The following ABHD12 variants were observed in gnomAD, a reference collection of about 807,000 sequenced individuals.
The protein encoded by ABHD12 is abhydrolase domain containing 12, lysophospholipase.
ABHD12 carries 43 observed loss-of-function variants against 58.3 expected under a neutral mutation model. The ratio of observed to expected loss-of-function variants is 0.74; its 90% CI spans 0.58 to 0.95. The LOEUF (loss-of-function observed/expected upper bound fraction) is 0.95, where lower values mean the gene tolerates loss of function less well. ABHD12 is among the 40% of genes least tolerant of loss of function. ABHD12 has a pLI of 0.00. For synonymous variants in ABHD12, 219 were observed against 211.2 expected (o/e 1.04, Z -0.32); for missense variants, 539 against 537.2 (o/e 1.00, Z -0.03).
At chr20:25,349,115 A>G (rs2089563578) in intron 1 of ABHD12, among the ~76,000 whole-genome samples, 1 of 149,124 alleles carries the variant, frequency 6.7e-6, no homozygotes, top group Non-Finnish European at 1.5e-5. Context: ...AAAGAAACAG[A>G]TATTGTATCA....
intron 1 of ABHD12, chr20:25,368,668 T>C (rs2089857774): frequency 2.2e-6 from 3 of 1,365,036 alleles, no homozygotes; most frequent in Non-Finnish European, 3.1e-6. Flanking sequence ...ATGAAAGTTT[T>C]CTGCTGTCTT....
Position 25,383,097 on chromosome 20 carries a change from A to C in ABHD12, c.191+7416T>G, listed in dbSNP as rs551521684. On this transcript the variant is annotated intron_variant, in intron 1 of 12. Transcript: ENST00000339157. ...GCTCAGAACTCGCTCCCATCTTCCT[A>C]ATCTGTAAAGAAAAGATGAAGAGAT... Among the ~76,000 whole-genome samples the C allele has an allele frequency of 6.6e-5, 10 of 152,266 alleles. No homozygotes were observed. The South Asian group carries it at 1.9e-3, about 28-fold the overall frequency.
downstream of ABHD12, among the ~76,000 whole-genome samples, chr20:25,299,358 C>CCA (rs2088598039): frequency 6.6e-6 from 1 of 152,012 alleles, no homozygotes; most frequent in African/African-American, 2.4e-5. Flanking sequence ...TATGATTGTG[C>CCA]CACTGCACTC....
chr20:25,315,667 C>A (rs557668386), intron 5 of ABHD12, among the ~76,000 whole-genome samples: 1 of 152,286 alleles, frequency 6.6e-6, no homozygotes, highest in East Asian at 1.9e-4. Context: ...TAACCAGAGC[C>A]AACCTGCTCC....
At chr20:25,353,264 G>GT (rs897264155) in intron 1 of ABHD12, among the ~76,000 whole-genome samples, 171 of 136,608 alleles carry the variant, frequency 1.3e-3, no homozygotes, top group East Asian at 3.4e-3. Flanking sequence ...GTTTGTTTCT[G>GT]TTTTTTTTTT....
rs1230604929 is a variant in ABHD12 at position 25,301,962 on chromosome 20, T to C, written c.1157+257A>G. 7.2e-5 allele frequency among the ~76,000 whole-genome samples: 11 copies of C among 152,320 alleles called. 1 individual carries two copies. In the South Asian group the frequency reaches 2.3e-3, roughly 32 times the overall value. On this transcript the variant is annotated intron_variant, in intron 12 of 12. Coordinates refer to ENST00000339157, the MANE Select transcript of ABHD12 (RefSeq NM_001042472.3). ...AAACATGGCCACCTGTGAGCGTGTG[T>C]GCCCCCCCGTGTGGGTCTGTACATC...
intron 1 of ABHD12, among the ~76,000 whole-genome samples, chr20:25,361,287 T>C (rs1600852726): frequency 6.6e-6 from 1 of 152,240 alleles, no homozygotes; most frequent in African/African-American, 2.4e-5. Context: ...AAAGGAACAG[T>C]ATCTTTTCAA....
At chr20:25,316,071 G>A (rs2145958096) in intron 5 of ABHD12, among the ~76,000 whole-genome samples, 1 of 152,216 alleles carries the variant, frequency 6.6e-6, no homozygotes, top group Non-Finnish European at 1.5e-5. Flanking sequence ...GTGCCTGGAA[G>A]CTGATTCAAG....
Position 25,300,419 on chromosome 20 carries a change from G to T in ABHD12, c.*426C>A. 1 of 1,155,176 alleles carries T rather than the reference G, an allele frequency of 8.7e-7. No individual in the cohort carries two copies. The highest frequency in any genetic ancestry group is 2.0e-5 in the South Asian group (1 of 50,366). 71.6% of individuals were successfully genotyped at this position (1,155,176 alleles called of 1,614,324 possible). On this transcript the variant is annotated 3_prime_UTR_variant, in exon 13 of 13. Transcript: ENST00000339157. ...TGGAACCACTGGAGTCATTCTGCAT[G>T]TGCTGGGAAGGTGCAGAAAGAACCT...
chr20:25,295,810 C>A, downstream of ABHD12: 1 of 946,570 alleles, frequency 1.1e-6, no homozygotes, highest in Non-Finnish European at 1.7e-6. Context: ...TGTCATCAGT[C>A]GGCTGTGCCT....
At chr20:25,299,157 CTT>C, downstream of ABHD12, among the ~76,000 whole-genome samples, 1 of 152,236 alleles carries the variant, frequency 6.6e-6, no homozygotes, top group Non-Finnish European at 1.5e-5. Flanking sequence ...AATCCCAGCA[CTT>C]TGAGAGGCCA....
At chr20:25,348,613 C>G (rs1387293558) in intron 1 of ABHD12, among the ~76,000 whole-genome samples, 3 of 151,958 alleles carry the variant, frequency 2.0e-5, no homozygotes, top group Non-Finnish European at 4.4e-5. Context: ...GTCTGGGCAA[C>G]AAAGCAAGGC....
chr20:25,328,197 A>C (rs183186403), intron 2 of ABHD12, among the ~76,000 whole-genome samples: 2 of 152,128 alleles, frequency 1.3e-5, no homozygotes, highest in Non-Finnish European at 2.9e-5. Flanking sequence ...GAATGCCTGG[A>C]AAGTGGGTCC....
At chr20:25,298,507 AGCCTCCGAAAGT>A (rs2088586019), downstream of ABHD12, among the ~76,000 whole-genome samples, 1 of 152,180 alleles carries the variant, frequency 6.6e-6, no homozygotes, top group Non-Finnish European at 1.5e-5. Flanking sequence ...CGCCCGCCTC[AGCCTCCGAAAGT>A]GCTGAGATTA....
intron 1 of ABHD12, among the ~76,000 whole-genome samples, chr20:25,367,518 G>GT (rs1245463529): frequency 6.6e-6 from 1 of 152,088 alleles, no homozygotes; most frequent in African/African-American, 2.4e-5. Flanking sequence ...ATCCATCTCT[G>GT]TAACTCTTTC....
Position 25,300,302 on chromosome 20 carries a change from C to T in ABHD12, c.*543G>A. 6 of 1,028,550 alleles carry T rather than the reference C, an allele frequency of 5.8e-6. No homozygotes were observed. Among genetic ancestry groups the T allele is most frequent in the Middle Eastern group, 4.8e-4 (1 of 2,064 alleles). The allele number at this position is 1,028,550 out of a possible 1,614,324, so 63.7% of individuals were successfully genotyped here. On this transcript the variant is annotated 3_prime_UTR_variant, in exon 13 of 13. Transcript: ENST00000339157. ...AGGTGAAAGGGGAGGAAGTGCAGAT[C>T]CCGGGCACTTCCACTGTGGGTGAGT...
intron 6 of ABHD12, 139 bp downstream of exon 6, chr20:25,314,786 C>G: frequency 3.1e-6 from 3 of 965,158 alleles, no homozygotes; most frequent in Non-Finnish European, 5.0e-6. Context: ...GGGTCTTTGT[C>G]AGGACCCAGG....
rs1300228825 is a variant in ABHD12, at chr20:25,308,489, G to A, written c.755C>T (p.Ala252Val). ...IWGHSLGTGV[A>V]TNLVRRLCER... ...ACAGAGGCGCCGCACCAGATTTGTC[G>A]CCACGCTAGGAAAAAAGAAAAACAG... Residue 252 changes from alanine (A) to valine (V), a missense_variant, in exon 8 of 13, where the codon GCG becomes GTG. Transcript: ENST00000339157. 8 of 1,610,786 alleles carry A rather than the reference G, an allele frequency of 5.0e-6. No individual in the cohort carries two copies. The highest frequency in any genetic ancestry group is 4.5e-5 in the East Asian group (2 of 44,856).
chr20:25,327,466 C>T (rs79973647), intron 2 of ABHD12, among the ~76,000 whole-genome samples: 1 of 101,624 alleles, frequency 9.8e-6, no homozygotes, highest in East Asian at 2.9e-4. Flanking sequence ...GACTCCGTCT[C>T]AAAAAAAAAA....
Sources: gnomAD v4.1 joint callset for allele counts (sites outside exome capture counted in the v4.1 genomes callset) on GRCh38, gnomAD v4.1.1 for gene constraint, MANE v1.5 for transcripts, NCBI Gene and HGNC (gene_info 2026-07-23, HGNC 2026-07-21) for gene names.